The following NICN1 variants were observed in gnomAD, a reference collection of about 807,000 sequenced individuals.
The protein encoded by NICN1 is nicolin-1.
Under a neutral mutation model 26.3 loss-of-function variants are expected in NICN1, and 18 were observed. That is an observed-to-expected ratio of 0.68 (90% CI 0.47 to 1.01). NICN1 has a LOEUF of 1.01. Ranked by LOEUF, NICN1 falls within the 50% of genes least tolerant of loss-of-function variation. The pLI is 0.00. For synonymous variants in NICN1, 109 were observed against 111.0 expected (o/e 0.98, Z 0.11); for missense variants, 239 against 278.3 (o/e 0.86, Z 1.00).
rs1199494135 is a variant in NICN1 at position 49,425,584 on chromosome 3, G to A, written c.424-146C>T. On this transcript the variant is annotated intron_variant, in intron 3 of 5. Coordinates refer to ENST00000273598, the MANE Select transcript of NICN1 (RefSeq NM_032316.3). ...TAGGGAGCCCACAGAGACCTAAAGA[G>A]GCAGTCAGACTACCTAAGTTCTCCT... 1.1e-5 allele frequency: 7 copies of A among 657,414 alleles called. No individual in the cohort carries two copies. The South Asian group carries it at 1.4e-4, about 13-fold the overall frequency. 40.7% of individuals were successfully genotyped at this position (657,414 alleles called of 1,614,324 possible).
rs754596286 is a variant in NICN1 at position 49,429,065 on chromosome 3, G to A, written c.132+43C>T. 3.9e-6 allele frequency: 6 copies of A among 1,545,696 alleles called. No homozygotes were observed. The East Asian group carries it at 1.2e-4, about 32-fold the overall frequency. ...GGGAAACGACCGAGATTCCAGGTCG[G>A]CCCCGCCCGGGAGCCTCGGTCGCGC... On this transcript the variant is annotated intron_variant, in intron 1 of 5. Transcript: ENST00000273598.
At chr3:49,425,848 G>T in intron 3 of NICN1, 35 bp downstream of exon 3, 2 of 1,210,442 alleles carry the variant, frequency 1.7e-6, no homozygotes, top group East Asian at 4.7e-5. Flanking sequence ...GCTTTCTGGG[G>T]AAAGGGCCAG....
In NICN1 at chr3:49,422,607, C is replaced by T; in HGVS notation, c.*2226G>A. ...CCCAAGGGCAGGCTGGGATTTAGAG[C>T]AGAGAATGCAGGAACCCGCAACCAC... On this transcript the variant is annotated 3_prime_UTR_variant, in exon 6 of 6. Transcript: ENST00000273598. 1 of 809,502 alleles carries T rather than the reference C, an allele frequency of 1.2e-6. No individual in the cohort carries two copies. The highest frequency in any genetic ancestry group is 2.7e-5 in the East Asian group (1 of 37,604). The allele number at this position is 809,502 out of a possible 1,614,324, so 50.1% of individuals were successfully genotyped here. A position where few individuals can be genotyped will look rare whatever the true frequency, so the allele number is the denominator to read the frequency against.
rs1464569 is a variant in NICN1, at chr3:49,422,917, A to G, written c.*1916T>C. 0.76 allele frequency: 216,394 copies of G among 284,410 alleles called. 83,394 individuals are homozygous for G. Among genetic ancestry groups the G allele is most frequent in the East Asian group, 0.99 (11,285 of 11,378 alleles). 17.6% of individuals were successfully genotyped at this position (284,410 alleles called of 1,614,324 possible). A position where few individuals can be genotyped will look rare whatever the true frequency, so the allele number is the denominator to read the frequency against. Reference sequence around the variant, plus strand: ...GGACCCCTAGTTCCACAGCTCTCCCACCAGGCAGACACAGGCAGCCAGCAG... The same window carrying G: ...GGACCCCTAGTTCCACAGCTCTCCCGCCAGGCAGACACAGGCAGCCAGCAG... On this transcript the variant is annotated 3_prime_UTR_variant, in exon 6 of 6. Transcript: ENST00000273598.
chr3:49,426,548 G>A, intron 1 of NICN1, 120 bp from the exon 2 acceptor site: 1 of 723,432 alleles, frequency 1.4e-6, no homozygotes, highest in Non-Finnish European at 2.2e-6. Flanking sequence ...TTTTTTTTGA[G>A]AGGAAATCTT....
At chr3:49,426,661 G>A (rs780819002) in intron 1 of NICN1, among the ~76,000 whole-genome samples, 43 of 151,854 alleles carry the variant, frequency 2.8e-4, no homozygotes, top group Admixed American at 1.4e-3. Flanking sequence ...CCTAGTAGCC[G>A]GGACTACAGG....
chr3:49,429,077 A>G, intron 1 of NICN1, 31 bp downstream of exon 1: 1 of 1,558,586 alleles, frequency 6.4e-7, no homozygotes, highest in Non-Finnish European at 8.7e-7. Context: ...CCCGCCCGGG[A>G]GCCTCGGTCG....
Position 49,424,492 on chromosome 3 carries a change from G to A in NICN1, c.*341C>T. 4.2e-6 allele frequency: 2 copies of A among 477,932 alleles called. No individual in the cohort carries two copies. The highest frequency in any genetic ancestry group is 7.6e-6 in the Non-Finnish European group (2 of 262,106). The allele number at this position is 477,932 out of a possible 1,614,324, so 29.6% of individuals were successfully genotyped here. A position where few individuals can be genotyped will look rare whatever the true frequency, so the allele number is the denominator to read the frequency against. ...TTTAGTAGGTCAGCCCAGCCCAACT[G>A]CACTGACATGAGGGAGCAGGCAGAA... is the stretch of plus-strand genomic sequence containing the variant. On this transcript the variant is annotated 3_prime_UTR_variant, in exon 6 of 6. Transcript: ENST00000273598.
chr3:49,426,289 T>G lies in NICN1; in HGVS notation c.272A>C (p.Glu91Ala), dbSNP rs2049169399. Residue 91 changes from glutamate to alanine, a missense_variant, in exon 2 of 6, where the codon GAG becomes GCG. Physicochemically the swap from Glu to Ala is moderately radical, Grantham distance 107. Coordinates refer to ENST00000273598, the MANE Select transcript of NICN1 (RefSeq NM_032316.3). ...CAGCGATACATACTCCTGGGCTCCC[T>G]CCTCACTGTGTGGGTCAGGCATTAG... ...YCLMPDPHSE[E>A]GAQEYVSLFK... The G allele has an allele frequency of 6.2e-7, 1 of 1,614,176 alleles. No individual in the cohort carries two copies. The highest frequency in any genetic ancestry group is 2.2e-5 in the East Asian group (1 of 44,886).
At position 49,424,236 on chromosome 3, in the gene NICN1, T is replaced by C. The variant is rs1035024521; in HGVS notation, c.*597A>G. 6.2e-6 allele frequency: 1 copy of C among 160,704 alleles called. No individual in the cohort carries two copies. Among genetic ancestry groups the C allele is most frequent in the Non-Finnish European group, 1.4e-5 (1 of 73,450 alleles). The allele number at this position is 160,704 out of a possible 1,614,324, so 10.0% of individuals were successfully genotyped here. On this transcript the variant is annotated 3_prime_UTR_variant, in exon 6 of 6. Transcript: ENST00000273598. Reference sequence around the variant, plus strand: ...CTATGGGCACACCCACTTGAACATATATTCAGGAGCCAGCTCAGAAACCAA... The same window carrying C: ...CTATGGGCACACCCACTTGAACATACATTCAGGAGCCAGCTCAGAAACCAA...
intron 1 of NICN1, 89 bp from the exon 2 acceptor site, chr3:49,426,517 T>A: frequency 1.1e-6 from 1 of 874,972 alleles, no homozygotes; most frequent in Non-Finnish European, 1.8e-6. Flanking sequence ...CTCTTCCTTC[T>A]CCCCACCTTT....
chr3:49,426,970 G>A (rs555072744), intron 1 of NICN1, among the ~76,000 whole-genome samples: 1 of 152,236 alleles, frequency 6.6e-6, no homozygotes, highest in South Asian at 2.1e-4. Context: ...CCTGGAAGAG[G>A]CAGAAAATGT....
Position 49,422,425 on chromosome 3 carries a change from GCCA to G in NICN1, c.*2405_*2407del. On this transcript the variant is annotated 3_prime_UTR_variant, in exon 6 of 6. Coordinates refer to ENST00000273598, the MANE Select transcript of NICN1 (RefSeq NM_032316.3). ...TGCCTGCAGGCGAAAGCCCAGACGG[GCCA>G]CCACACTTACAGCCCTCTGCATCGT... is the stretch of plus-strand genomic sequence containing the variant. 2 of 1,613,620 alleles carry G rather than the reference GCCA, an allele frequency of 1.2e-6. No homozygotes were observed. Among genetic ancestry groups the G allele is most frequent in the East Asian group, 2.2e-5 (1 of 44,880 alleles).
rs1412072686 is a variant in NICN1, at chr3:49,422,953, C to T, written c.*1880G>A. The T allele has an allele frequency of 7.3e-6, 2 of 275,452 alleles. No individual in the cohort carries two copies. The highest frequency in any genetic ancestry group is 1.5e-5 in the Non-Finnish European group (2 of 137,224). The allele number at this position is 275,452 out of a possible 1,614,324, so 17.1% of individuals were successfully genotyped here. ...ACAGGCAGCCAGCAGTCATGCATTCCACAAGTATTTATTGATCTTACTGCA... is the reference window on the plus strand; with the variant it reads ...ACAGGCAGCCAGCAGTCATGCATTCTACAAGTATTTATTGATCTTACTGCA... On this transcript the variant is annotated 3_prime_UTR_variant, in exon 6 of 6. Transcript: ENST00000273598.
chr3:49,422,513 A>G lies in NICN1; in HGVS notation c.*2320T>C. The G allele has an allele frequency of 6.5e-7, 1 of 1,534,230 alleles. No individual in the cohort carries two copies. The highest frequency in any genetic ancestry group is 8.9e-7 in the Non-Finnish European group (1 of 1,118,034). On this transcript the variant is annotated 3_prime_UTR_variant, in exon 6 of 6. Coordinates refer to ENST00000273598, the MANE Select transcript of NICN1 (RefSeq NM_032316.3). ...ACCACACTGCCAGGCACGCCGGGAG[A>G]TGTAGTCCAGGCCTCTGCTCGGACA... is the stretch of plus-strand genomic sequence containing the variant.
rs1227776218 is a variant in NICN1, at chr3:49,422,549, C to T, written c.*2284G>A. On this transcript the variant is annotated 3_prime_UTR_variant, in exon 6 of 6. Transcript: ENST00000273598. The stretch of plus-strand genomic sequence containing the variant: ...GCCTCTGCTCGGACAGGTCTCTCTC[C>T]GGAGCAAAGGATCTGAAGGGGGCGT... 1.3e-5 allele frequency: 17 copies of T among 1,326,314 alleles called. No homozygotes were observed. Among genetic ancestry groups the T allele is most frequent in the Middle Eastern group, 4.0e-4 (2 of 4,988 alleles). 82.2% of individuals were successfully genotyped at this position (1,326,314 alleles called of 1,614,324 possible). A position where few individuals can be genotyped will look rare whatever the true frequency, so the allele number is the denominator to read the frequency against.
At chr3:49,425,829 G>C in intron 3 of NICN1, 54 bp downstream of exon 3, 1 of 968,192 alleles carries the variant, frequency 1.0e-6, no homozygotes, top group Non-Finnish European at 1.6e-6. Context: ...AGCTTTCCCA[G>C]TCATAGAAGC....
At position 49,422,489 on chromosome 3, in the gene NICN1, C is replaced by T. The variant is rs1321380886; in HGVS notation, c.*2344G>A. 3.1e-6 allele frequency: 5 copies of T among 1,594,294 alleles called. No individual in the cohort carries two copies. Among genetic ancestry groups the T allele is most frequent in the African/African-American group, 2.7e-5 (2 of 74,584 alleles). ...GAGTGCAGACGGCGCACAGAGGCCA[C>T]CACACTGCCAGGCACGCCGGGAGAT... On this transcript the variant is annotated 3_prime_UTR_variant, in exon 6 of 6. Transcript: ENST00000273598.
intron 1 of NICN1, among the ~76,000 whole-genome samples, chr3:49,428,864 C>T (rs889609937): frequency 1.7e-4 from 26 of 152,152 alleles, no homozygotes; most frequent in Non-Finnish European, 1.2e-4. Flanking sequence ...AGCCCACTCT[C>T]GCCACCTGCA....
Sources: allele counts gnomAD v4.1 joint callset (sites outside exome capture counted in the v4.1 genomes callset), GRCh38; gene constraint gnomAD v4.1.1; transcripts MANE v1.5; gene names NCBI Gene and HGNC (gene_info 2026-07-23, HGNC 2026-07-21).